Variants in CORIN observed in about 807,000 individuals in gnomAD.
The protein encoded by CORIN is atrial natriuretic peptide-converting enzyme.
A neutral mutation model predicts 125.3 loss-of-function variants in CORIN; 117 were observed. That is an observed-to-expected ratio of 0.93 (90% CI 0.80 to 1.09). The LOEUF (loss-of-function observed/expected upper bound fraction) is 1.09, where lower values mean the gene tolerates loss of function less well. Among genes scored for constraint, CORIN ranks in the 50% least tolerant of loss-of-function variants. The pLI is 0.00. For synonymous variants in CORIN, 450 were observed against 466.4 expected (o/e 0.96, Z 0.45); for missense variants, 1,253 against 1,306.7 (o/e 0.96, Z 0.63).
At chr4:47,799,374 T>C (rs1348716493) in intron 2 of CORIN, among the ~76,000 whole-genome samples, 1 of 152,214 alleles carries the variant, frequency 6.6e-6, no homozygotes, top group Non-Finnish European at 1.5e-5. Flanking sequence ...CCACAGTGAC[T>C]GAAGTAATTT....
chr4:47,661,106 T>C (rs578260815), intron 12 of CORIN, among the ~76,000 whole-genome samples: 1 of 152,350 alleles, frequency 6.6e-6, no homozygotes, highest in South Asian at 2.1e-4. Context: ...TGTTCTCACT[T>C]ATTTGTGGGA....
chr4:47,722,624 A>G lies in CORIN; in HGVS notation c.799+21778T>C, dbSNP rs77339028. ...GACAAAGTTAAAAGAGCACAAATAA[A>G]CCCCGAAAGCAGAGGACCAGAGGCT... is the stretch of plus-strand genomic sequence containing the variant. On this transcript the variant is annotated intron_variant, in intron 5 of 21. Coordinates refer to ENST00000273857, the MANE Select transcript of CORIN (RefSeq NM_006587.4). Among the ~76,000 whole-genome samples the G allele has an allele frequency of 1.4e-3, 215 of 152,206 alleles. 2 individuals are homozygous for G. In the East Asian group the frequency reaches 0.034, roughly 24 times the overall value.
intron 2 of CORIN, among the ~76,000 whole-genome samples, chr4:47,788,841 T>C (rs1730935040): frequency 6.6e-6 from 1 of 152,220 alleles, no homozygotes; most frequent in Non-Finnish European, 1.5e-5. Context: ...CAAATGCCAA[T>C]TGTTCACGGT....
In CORIN at chr4:47,680,020, G is replaced by A. The variant is rs1725194536; in HGVS notation, c.1132+121C>T. The A allele has an allele frequency of 6.4e-6, 4 of 623,028 alleles. No individual in the cohort carries two copies. The South Asian group carries it at 7.7e-5, about 12-fold the overall frequency. The allele number at this position is 623,028 out of a possible 1,614,324, so 38.6% of individuals were successfully genotyped here. A position where few individuals can be genotyped will look rare whatever the true frequency, so the allele number is the denominator to read the frequency against. On this transcript the variant is annotated intron_variant, in intron 8 of 21. Coordinates refer to ENST00000273857, the MANE Select transcript of CORIN (RefSeq NM_006587.4). ...TTTACAGGCTAGAACCAAAGCATAA[G>A]AATCTTTCCCTTGGAATGCTGTGTA... is the stretch of plus-strand genomic sequence containing the variant.
In CORIN at chr4:47,774,057, T is replaced by C. The variant is rs1308607663; in HGVS notation, c.410-10471A>G. Among the ~76,000 whole-genome samples, 4 of 152,288 alleles carry C rather than the reference T, an allele frequency of 2.6e-5. No homozygotes were observed. The South Asian group carries it at 8.3e-4, about 32-fold the overall frequency. On this transcript the variant is annotated intron_variant, in intron 3 of 21. Transcript: ENST00000273857. ...GGCATTTTCTATTTTCTCTAGAATA[T>C]TTTGCATTTAATGGTGATTAATTGT...
At chr4:47,766,234 C>T (rs1312527431) in intron 3 of CORIN, among the ~76,000 whole-genome samples, 3 of 152,112 alleles carry the variant, frequency 2.0e-5, no homozygotes, top group Non-Finnish European at 4.4e-5. Context: ...TTAAGCAGAA[C>T]AAAATTTCTC....
chr4:47,689,458 C>T (rs1225570714), intron 6 of CORIN, among the ~76,000 whole-genome samples: 1 of 152,138 alleles, frequency 6.6e-6, no homozygotes, highest in African/African-American at 2.4e-5. Context: ...CACCGTATTA[C>T]ACTCGGTGTA....
chr4:47,690,413 T>G (rs1725714019), intron 6 of CORIN, among the ~76,000 whole-genome samples: 1 of 152,226 alleles, frequency 6.6e-6, no homozygotes, highest in Middle Eastern at 3.2e-3. Context: ...AGCATGTAGG[T>G]AAATGCTTCT....
At chr4:47,790,125 A>G in intron 2 of CORIN, 1 of 601,284 alleles carries the variant, frequency 1.7e-6, no homozygotes, top group Non-Finnish European at 2.1e-6. Flanking sequence ...TTATTGTGCT[A>G]TGGTTAAAAG....
At chr4:47,638,651 A>T (rs973019575) in intron 16 of CORIN, among the ~76,000 whole-genome samples, 2 of 152,136 alleles carry the variant, frequency 1.3e-5, no homozygotes, top group Non-Finnish European at 2.9e-5. Flanking sequence ...GCCTTCCACC[A>T]TGATTGTGGG....
intron 4 of CORIN, among the ~76,000 whole-genome samples, chr4:47,761,326 C>T (rs1729446062): frequency 6.6e-6 from 1 of 152,124 alleles, no homozygotes; most frequent in South Asian, 2.1e-4. Flanking sequence ...TACTTAGAGG[C>T]CATTGTAGGG....
intron 4 of CORIN, among the ~76,000 whole-genome samples, chr4:47,746,654 C>T (rs537726229): frequency 6.5e-4 from 99 of 152,224 alleles, no homozygotes; most frequent in Non-Finnish European, 6.6e-4. Context: ...CCTGCCACAG[C>T]TTCCCGAGTA....
intron 14 of CORIN, among the ~76,000 whole-genome samples, chr4:47,643,609 G>A (rs1444152594): frequency 1.3e-5 from 2 of 152,066 alleles, no homozygotes; most frequent in East Asian, 1.9e-4. Context: ...GACTGAAGCC[G>A]CCTTAGATAG....
At chr4:47,706,685 C>T in intron 5 of CORIN, 3 of 1,608,614 alleles carry the variant, frequency 1.9e-6, no homozygotes, top group South Asian at 1.1e-5. Flanking sequence ...TGCGGAGGAG[C>T]GAGCTGGACG....
chr4:47,824,537 G>T (rs938610097), intron 1 of CORIN, among the ~76,000 whole-genome samples: 2 of 152,074 alleles, frequency 1.3e-5, no homozygotes, highest in Non-Finnish European at 2.9e-5. Flanking sequence ...GCCCAGGCTG[G>T]TCTTAAACTC....
intron 5 of CORIN, among the ~76,000 whole-genome samples, chr4:47,724,129 A>G (rs1257637745): frequency 6.6e-6 from 1 of 152,200 alleles, no homozygotes; most frequent in Non-Finnish European, 1.5e-5. Context: ...AGCAGCTGTA[A>G]TAACCATACT....
chr4:47,606,097 T>C (rs1721635723), intron 19 of CORIN, among the ~76,000 whole-genome samples: 1 of 152,178 alleles, frequency 6.6e-6, no homozygotes, highest in Admixed American at 6.5e-5. Flanking sequence ...TGCCAAGCAT[T>C]GTGTTAGGGA....
At chr4:47,790,141 G>A (rs1466878740) in intron 2 of CORIN, 5 of 831,722 alleles carry the variant, frequency 6.0e-6, no homozygotes, top group Non-Finnish European at 1.4e-6. Flanking sequence ...AAAAGTACAG[G>A]TTTAAATCCC....
chr4:47,619,009 G>C (rs1231548478), intron 19 of CORIN, among the ~76,000 whole-genome samples: 1 of 152,228 alleles, frequency 6.6e-6, no homozygotes, highest in South Asian at 2.1e-4. Context: ...AGTTTTTCAC[G>C]TGGGTTTCCT....
Sources: gnomAD v4.1 joint callset for allele counts (sites outside exome capture counted in the v4.1 genomes callset) on GRCh38, gnomAD v4.1.1 for gene constraint, MANE v1.5 for transcripts, NCBI Gene and HGNC (gene_info 2026-07-23, HGNC 2026-07-21) for gene names.